The following SGCZ variants were observed in gnomAD, a reference collection of about 807,000 sequenced individuals.
The protein encoded by SGCZ is sarcoglycan zeta, also known as zeta-sarcoglycan.
A neutral mutation model predicts 41.3 loss-of-function variants in SGCZ; 40 were observed. That is an observed-to-expected ratio of 0.97 (90% confidence interval 0.75 to 1.26). The LOEUF (loss-of-function observed/expected upper bound fraction) is 1.26, where lower values mean the gene tolerates loss of function less well. SGCZ is among the 50% of genes most tolerant of loss of function. The probability of loss-of-function intolerance (pLI) is 0.00; values close to 1 mark genes in which losing one functional copy is unlikely to be tolerated. For synonymous variants in SGCZ, 206 were observed against 137.5 expected (o/e 1.50, Z -3.49); for missense variants, 552 against 369.8 (o/e 1.49, Z -4.04).
chr8:14,696,426 C>G (rs560278957), intron 1 of SGCZ, among the ~76,000 whole-genome samples: 1 of 152,210 alleles, frequency 6.6e-6, no homozygotes, highest in Non-Finnish European at 1.5e-5. Context: ...AAGCATTAGC[C>G]TCCCTGAGCT....
chr8:15,096,081 T>C (rs1479080118), intron 1 of SGCZ, among the ~76,000 whole-genome samples: 2 of 152,092 alleles, frequency 1.3e-5, no homozygotes, highest in African/African-American at 2.4e-5. Flanking sequence ...TTTTACTTAT[T>C]TATTTATTTT....
intron 1 of SGCZ, among the ~76,000 whole-genome samples, chr8:14,772,615 TC>T (rs1800280636): frequency 1.5e-5 from 2 of 133,502 alleles, no homozygotes; most frequent in South Asian, 2.5e-4. Context: ...AGTGTGATGT[TC>T]CCCTTCCTGG....
At chr8:14,533,298 T>C (rs969417369) in intron 2 of SGCZ, among the ~76,000 whole-genome samples, 61 of 152,110 alleles carry the variant, frequency 4.0e-4, no homozygotes, top group African/African-American at 1.4e-3. Flanking sequence ...CTTTGTAAAA[T>C]TTAAGAATTT....
intron 5 of SGCZ, among the ~76,000 whole-genome samples, chr8:14,110,939 A>C (rs1170899797): frequency 6.6e-6 from 1 of 152,036 alleles, no homozygotes; most frequent in Non-Finnish European, 1.5e-5. Context: ...CAGTAGTCCC[A>C]GCTGCTTGGG....
intron 2 of SGCZ, among the ~76,000 whole-genome samples, chr8:14,331,338 T>G (rs1802313430): frequency 6.6e-6 from 1 of 152,046 alleles, no homozygotes; most frequent in African/African-American, 2.4e-5. Context: ...AGGAGGAGGT[T>G]CTCTTTAATA....
chr8:14,587,584 CT>C, intron 1 of SGCZ, among the ~76,000 whole-genome samples: 1 of 152,184 alleles, frequency 6.6e-6, no homozygotes, highest in Non-Finnish European at 1.5e-5. Context: ...TGCTGTTTTG[CT>C]TAGCCACACA....
At chr8:14,246,646 G>A in intron 3 of SGCZ, among the ~76,000 whole-genome samples, 1 of 151,380 alleles carries the variant, frequency 6.6e-6, no homozygotes. Context: ...GGCGGCTGAA[G>A]CCTGTAATCC....
At chr8:14,795,550 G>A (rs745512084) in intron 1 of SGCZ, among the ~76,000 whole-genome samples, 6 of 152,110 alleles carry the variant, frequency 3.9e-5, no homozygotes, top group East Asian at 1.9e-4. Context: ...ACAAGGAAGC[G>A]TTCCACCTCA....
chr8:15,058,273 T>C (rs2131005755), intron 1 of SGCZ, among the ~76,000 whole-genome samples: 1 of 152,320 alleles, frequency 6.6e-6, no homozygotes, highest in Non-Finnish European at 1.5e-5. Context: ...ATGTATCTTT[T>C]CTATACTGTG....
At chr8:14,860,359 T>G (rs1159317385) in intron 1 of SGCZ, among the ~76,000 whole-genome samples, 1 of 151,676 alleles carries the variant, frequency 6.6e-6, no homozygotes, top group African/African-American at 2.4e-5. Context: ...TGTCTGGAGG[T>G]GGTAACTGCA....
chr8:15,039,840 A>C (rs955189247), intron 1 of SGCZ, among the ~76,000 whole-genome samples: 3 of 152,206 alleles, frequency 2.0e-5, no homozygotes, highest in Non-Finnish European at 4.4e-5. Context: ...TGTGTATTGC[A>C]CGTTATACAG....
rs924954578 is a variant in SGCZ at position 14,089,180 on chromosome 8, T to A, written c.*1263A>T. The stretch of plus-strand genomic sequence containing the variant: ...AAGCATTGGAAAATGAAAAGAACTA[T>A]AATTTTTGAGGTCAGGGTAGCCTAA... On this transcript the variant is annotated 3_prime_UTR_variant, in exon 8 of 8. Transcript: ENST00000382080. 6.6e-6 allele frequency among the ~76,000 whole-genome samples: 1 copy of A among 151,972 alleles called. No homozygotes were observed. Among genetic ancestry groups the A allele is most frequent in the Non-Finnish European group, 1.5e-5 (1 of 67,930 alleles).
chr8:14,514,663 A>G (rs564096635), intron 2 of SGCZ, among the ~76,000 whole-genome samples: 7 of 148,006 alleles, frequency 4.7e-5, no homozygotes, highest in African/African-American at 1.3e-4. Flanking sequence ...GACTTTACAT[A>G]TATATGTAAA....
At chr8:14,406,308 T>C (rs1035937940) in intron 2 of SGCZ, among the ~76,000 whole-genome samples, 3 of 152,124 alleles carry the variant, frequency 2.0e-5, no homozygotes, top group Admixed American at 6.5e-5. Flanking sequence ...CATGCCCCAC[T>C]CTATTCACTT....
chr8:14,366,623 G>A (rs1461719960), intron 2 of SGCZ, among the ~76,000 whole-genome samples: 1 of 151,938 alleles, frequency 6.6e-6, no homozygotes, highest in Non-Finnish European at 1.5e-5. Flanking sequence ...AATCATTTCA[G>A]CATTCACACA....
chr8:14,413,360 A>G (rs1401388813), intron 2 of SGCZ, among the ~76,000 whole-genome samples: 1 of 147,768 alleles, frequency 6.8e-6, no homozygotes, highest in Non-Finnish European at 1.5e-5. Context: ...TTTTTAAGCT[A>G]TTTATATGTA....
chr8:14,676,730 A>G (rs796224844), intron 1 of SGCZ, among the ~76,000 whole-genome samples: 5 of 152,376 alleles, frequency 3.3e-5, no homozygotes, highest in African/African-American at 1.2e-4. Flanking sequence ...GATCATATCA[A>G]CAGATGCAGA....
At chr8:15,029,369 A>G (rs1032138291) in intron 1 of SGCZ, among the ~76,000 whole-genome samples, 1 of 152,086 alleles carries the variant, frequency 6.6e-6, no homozygotes, top group East Asian at 1.9e-4. Flanking sequence ...TATACCAAAT[A>G]TATGTTATGG....
intron 1 of SGCZ, among the ~76,000 whole-genome samples, chr8:15,176,211 T>A (rs1451065907): frequency 6.6e-6 from 1 of 152,180 alleles, no homozygotes; most frequent in East Asian, 1.9e-4. Flanking sequence ...TTAATCTTAC[T>A]CACCTTCTAG....
Sources: gnomAD v4.1 joint callset for allele counts (sites outside exome capture counted in the v4.1 genomes callset) on GRCh38, gnomAD v4.1.1 for gene constraint, MANE v1.5 for transcripts, NCBI Gene and HGNC (gene_info 2026-07-23, HGNC 2026-07-21) for gene names.